ADAMTSL1: variants seen among roughly 807,000 people sequenced by gnomAD.
ADAMTSL1 encodes the protein ADAMTS like 1, also known as ADAMTS-like protein 1.
A neutral mutation model predicts 201.8 loss-of-function variants in ADAMTSL1; 126 were observed. The ratio of observed to expected loss-of-function variants is 0.62; its 90% CI spans 0.54 to 0.72. The LOEUF is 0.72. Among genes scored for constraint, ADAMTSL1 ranks in the 30% least tolerant of loss-of-function variants. The probability of loss-of-function intolerance (pLI) is 0.00; values close to 1 mark genes in which losing one functional copy is unlikely to be tolerated. For synonymous variants in ADAMTSL1, 1,121 were observed against 903.4 expected, an observed-to-expected ratio of 1.24 and a Z score of -4.32; for missense variants, 2,679 against 2,277.8, an observed-to-expected ratio of 1.18 and a Z score of -3.59.
intron 1 of ADAMTSL1, among the ~76,000 whole-genome samples, chr9:18,155,070 T>G (rs971750736): frequency 6.6e-6 from 1 of 152,058 alleles, no homozygotes; most frequent in African/African-American, 2.4e-5. Flanking sequence ...TGTAGAGTTG[T>G]GCCTTGAACA....
chr9:17,913,412 A>G (rs1224236722), intron 1 of ADAMTSL1, among the ~76,000 whole-genome samples: 1 of 152,128 alleles, frequency 6.6e-6, no homozygotes, highest in Non-Finnish European at 1.5e-5. Flanking sequence ...GGTCCTTCAC[A>G]TCCCTTGTAA....
At chr9:18,537,541 G>A (rs1819847022) in intron 3 of ADAMTSL1, among the ~76,000 whole-genome samples, 1 of 152,228 alleles carries the variant, frequency 6.6e-6, no homozygotes, top group East Asian at 1.9e-4. Flanking sequence ...GCAGGACACT[G>A]TAAAGTACTT....
chr9:18,390,540 A>G (rs1433074403), intron 2 of ADAMTSL1, among the ~76,000 whole-genome samples: 1 of 152,232 alleles, frequency 6.6e-6, no homozygotes, highest in Non-Finnish European at 1.5e-5. Context: ...GGTTTACCCC[A>G]TGGTGAGCAT....
At chr9:18,121,003 A>G (rs1667164386) in intron 1 of ADAMTSL1, among the ~76,000 whole-genome samples, 10 of 151,742 alleles carry the variant, frequency 6.6e-5, no homozygotes. Flanking sequence ...CAAAGCTTTT[A>G]TTTATTTTTT....
At chr9:18,605,043 C>T (rs1824923213) in intron 4 of ADAMTSL1, among the ~76,000 whole-genome samples, 2 of 152,178 alleles carry the variant, frequency 1.3e-5, no homozygotes, top group Admixed American at 6.5e-5. Flanking sequence ...ACTAAAATTA[C>T]TTCAGCTTCT....
chr9:18,365,580 A>C (rs757640042), intron 2 of ADAMTSL1, among the ~76,000 whole-genome samples: 8 of 152,208 alleles, frequency 5.3e-5, no homozygotes, highest in Non-Finnish European at 1.2e-4. Context: ...TAAGCAAATA[A>C]AAGCAGGAAT....
chr9:18,575,976 G>A (rs1355680273), intron 4 of ADAMTSL1, among the ~76,000 whole-genome samples: 1 of 152,084 alleles, frequency 6.6e-6, no homozygotes, highest in Non-Finnish European at 1.5e-5. Context: ...TGGTACCTTA[G>A]CAACTGAAAG....
In ADAMTSL1 at chr9:18,518,610, A is replaced by G. The variant is rs150712787; in HGVS notation, c.191+13654A>G. ...TTGTGAATAGTGCTGCAATAAACAT[A>G]TGAATGCAGGTGTCTTTTTTATATA... On this transcript the variant is annotated intron_variant, in intron 2 of 28. Coordinates refer to ENST00000380548, the MANE Select transcript of ADAMTSL1 (RefSeq NM_001040272.6). Among the ~76,000 whole-genome samples the G allele has an allele frequency of 1.4e-3, 215 of 152,238 alleles. 4 individuals carry two copies. In the East Asian group the frequency reaches 0.04, roughly 28 times the overall value.
intron 25 of ADAMTSL1, among the ~76,000 whole-genome samples, chr9:18,891,479 G>C (rs984877464): frequency 1.5e-4 from 23 of 152,306 alleles, no homozygotes; most frequent in African/African-American, 5.1e-4. Flanking sequence ...CATGCAACAA[G>C]AATCCCTGCC....
At chr9:18,802,924 A>T (rs542793546) in intron 20 of ADAMTSL1, among the ~76,000 whole-genome samples, 1 of 152,260 alleles carries the variant, frequency 6.6e-6, no homozygotes, top group Admixed American at 6.5e-5. Context: ...GTAGTACTTT[A>T]TTGTGATTTA....
At position 18,712,616 on chromosome 9, in the gene ADAMTSL1, T is replaced by C. The variant is rs547578034; in HGVS notation, c.1876+5568T>C. Reference sequence around the variant, plus strand: ...GGACTATGTGAAAAGACCAAATCTATGTCTGATTGGTGTACCTGAAAGTGA... The same window carrying C: ...GGACTATGTGAAAAGACCAAATCTACGTCTGATTGGTGTACCTGAAAGTGA... On this transcript the variant is annotated intron_variant, in intron 14 of 28. Transcript: ENST00000380548. Among the ~76,000 whole-genome samples, 190 of 151,170 alleles carry C rather than the reference T, an allele frequency of 1.3e-3. 1 individual carries two copies. The highest frequency in any genetic ancestry group is 4.1e-3 in the African/African-American group (170 of 41,064).
intron 14 of ADAMTSL1, among the ~76,000 whole-genome samples, chr9:18,711,013 T>C (rs1191687224): frequency 6.6e-6 from 1 of 152,152 alleles, no homozygotes; most frequent in Non-Finnish European, 1.5e-5. Flanking sequence ...ATACTAAACC[T>C]GTATATTTAG....
chr9:18,218,159 C>T (rs10963525), intron 2 of ADAMTSL1, among the ~76,000 whole-genome samples: 44,923 of 152,064 alleles, frequency 0.3, 6,815 homozygotes, highest in East Asian at 0.46. Context: ...CAGTCATCTA[C>T]GATCAAATAG....
At chr9:18,620,049 G>GTTTTT (rs1587721851) in intron 4 of ADAMTSL1, among the ~76,000 whole-genome samples, 1 of 123,640 alleles carries the variant, frequency 8.1e-6, no homozygotes, top group African/African-American at 3.1e-5. Context: ...GGCCAACTTG[G>GTTTTT]TTTTTTGCTT....
At chr9:17,907,584 G>C (rs1487646904) in intron 1 of ADAMTSL1, among the ~76,000 whole-genome samples, 1 of 152,144 alleles carries the variant, frequency 6.6e-6, no homozygotes, top group African/African-American at 2.4e-5. Context: ...GGCCACACGG[G>C]GTGTATAAGG....
intron 2 of ADAMTSL1, among the ~76,000 whole-genome samples, chr9:18,244,087 TTG>T (rs5896777): frequency 0.59 from 88,522 of 149,478 alleles, 26,152 homozygotes; most frequent in East Asian, 0.69. Flanking sequence ...AGAAATGATT[TTG>T]TGTGTGTGTG....
chr9:18,318,071 G>A (rs1834477754), intron 2 of ADAMTSL1, among the ~76,000 whole-genome samples: 1 of 152,086 alleles, frequency 6.6e-6, no homozygotes, highest in African/African-American at 2.4e-5. Context: ...ACACCTCTTG[G>A]GCTAGTTGTG....
At chr9:18,886,909 T>C (rs113507933) in intron 23 of ADAMTSL1, among the ~76,000 whole-genome samples, 16 of 152,328 alleles carry the variant, frequency 1.1e-4, no homozygotes, top group African/African-American at 3.6e-4. Flanking sequence ...AAAAATCTTA[T>C]ACCAGCTGAG....
At chr9:18,637,250 G>A (rs1740864595) in intron 6 of ADAMTSL1, among the ~76,000 whole-genome samples, 2 of 152,084 alleles carry the variant, frequency 1.3e-5, no homozygotes, top group Non-Finnish European at 2.9e-5. Context: ...GATAATGTAT[G>A]TGTGTGTATT....
Sources: gnomAD v4.1 joint callset for allele counts (sites outside exome capture counted in the v4.1 genomes callset) on GRCh38, gnomAD v4.1.1 for gene constraint, MANE v1.5 for transcripts, NCBI Gene and HGNC (gene_info 2026-07-23, HGNC 2026-07-21) for gene names.